The following TSPAN19 variants were observed in gnomAD, a reference collection of about 807,000 sequenced individuals.
The protein encoded by TSPAN19 is tetraspanin-19.
A neutral mutation model predicts 35.1 loss-of-function variants in TSPAN19; 44 were observed. The observed-to-expected ratio is 1.25, with a 90% confidence interval of 0.98 to 1.61. The LOEUF is 1.61. TSPAN19 is among the 40% of genes most tolerant of loss of function. The pLI, the probability that TSPAN19 is intolerant of heterozygous loss-of-function variation, is 0.00. For missense variants in TSPAN19, 290 were observed against 280.0 expected (o/e 1.04, Z -0.26); for synonymous variants, 79 against 92.0 (o/e 0.86, Z 0.81).
intron 1 of TSPAN19, 81 bp from the exon 2 acceptor site, chr12:85,030,054 C>T: frequency 1.8e-6 from 2 of 1,092,602 alleles, no homozygotes; most frequent in Non-Finnish European, 2.5e-6. Flanking sequence ...TTTATTTGCA[C>T]ATTTTTCTTC....
intron 5 of TSPAN19, among the ~76,000 whole-genome samples, chr12:85,021,031 G>A (rs1020320511): frequency 3.3e-5 from 5 of 151,926 alleles, no homozygotes; most frequent in Non-Finnish European, 5.9e-5. Context: ...AAAAATCTAG[G>A]TAATGCAAAG....
At chr12:85,022,527 A>G (rs562512352) in intron 5 of TSPAN19, among the ~76,000 whole-genome samples, 1 of 152,286 alleles carries the variant, frequency 6.6e-6, no homozygotes, top group Non-Finnish European at 1.5e-5. Flanking sequence ...TTGTCAGTTA[A>G]TGACAACTCT....
intron 7 of TSPAN19, chr12:85,016,339 T>C (rs1876798674): frequency 1.2e-5 from 2 of 161,224 alleles, no homozygotes; most frequent in Non-Finnish European, 2.7e-5. Context: ...AAACCCTAAA[T>C]ATATTACATG....
At chr12:85,029,182 A>G (rs1474852038) in intron 3 of TSPAN19, among the ~76,000 whole-genome samples, 1 of 152,202 alleles carries the variant, frequency 6.6e-6, no homozygotes, top group East Asian at 1.9e-4. Flanking sequence ...CTCAGCTCTT[A>G]GGGCAATGAC....
At chr12:85,023,235 T>C in intron 5 of TSPAN19, 91 bp downstream of exon 5, 1 of 1,095,542 alleles carries the variant, frequency 9.1e-7, no homozygotes, top group Non-Finnish European at 1.3e-6. Context: ...TGGCTTTTAA[T>C]ATAGGATCAA....
At position 85,019,725 on chromosome 12, in the gene TSPAN19, T is replaced by C. The variant is rs1877017998; in HGVS notation, c.351A>G (p.Leu117=). 1.3e-6 allele frequency: 2 copies of C among 1,598,946 alleles called. No homozygotes were observed. The highest frequency in any genetic ancestry group is 2.7e-5 in the African/African-American group (2 of 74,142). The change falls in exon 6 of 9, where the codon CTA becomes CTG. Residue 117 remains leucine (L), a synonymous_variant. Transcript: ENST00000532498. ...IITKKEEVQQ[L]WHDKIDFVIS... ...TGACAAAATCAATTTTGTCATGCCATAGTTGCTGAACCTGTAGAAAATTGT... is the reference window on the plus strand; with the variant it reads ...TGACAAAATCAATTTTGTCATGCCACAGTTGCTGAACCTGTAGAAAATTGT...
At position 85,014,484 on chromosome 12, in the gene TSPAN19, A is replaced by G. The variant is rs753969899; in HGVS notation, c.*3T>C. 1.3e-6 allele frequency: 2 copies of G among 1,589,030 alleles called. No homozygotes were observed. The highest frequency in any genetic ancestry group is 1.7e-6 in the Non-Finnish European group (2 of 1,165,430). On this transcript the variant is annotated 3_prime_UTR_variant, in exon 9 of 9. Transcript: ENST00000532498. The stretch of plus-strand genomic sequence containing the variant: ...TTCTTCTGAACAAATTGAAATCCAA[A>G]GGTCACATTTCTGCATGGATTATAT...
chr12:85,017,395 A>T, intron 7 of TSPAN19, 61 bp downstream of exon 7: 3 of 1,460,454 alleles, frequency 2.1e-6, no homozygotes, highest in Non-Finnish European at 2.8e-6. Context: ...TTCTAAATTG[A>T]CTTGCAAAAT....
chr12:85,023,932 G>A (rs1481153902), intron 4 of TSPAN19, among the ~76,000 whole-genome samples: 1 of 151,228 alleles, frequency 6.6e-6, no homozygotes, highest in Non-Finnish European at 1.5e-5. Flanking sequence ...TTTTTTAAAT[G>A]GCCAATTTAG....
chr12:85,015,629 T>C lies in TSPAN19; in HGVS notation c.678+259A>G, dbSNP rs184408514. On this transcript the variant is annotated intron_variant, in intron 8 of 8. Coordinates refer to ENST00000532498, the MANE Select transcript of TSPAN19 (RefSeq NM_001100917.2). Reference sequence around the variant, plus strand: ...CAATAGATCTATTTATAGATATATATAGAAAGAAAGATAAAAATATACATA... The same window carrying C: ...CAATAGATCTATTTATAGATATATACAGAAAGAAAGATAAAAATATACATA... 2.6e-4 allele frequency: 67 copies of C among 261,072 alleles called. 1 individual carries two copies. In the East Asian group the frequency reaches 3.8e-3, roughly 15 times the overall value. The allele number at this position is 261,072 out of a possible 1,614,324, so 16.2% of individuals were successfully genotyped here. A position where few individuals can be genotyped will look rare whatever the true frequency, so the allele number is the denominator to read the frequency against.
chr12:85,020,613 C>A (rs947102624), intron 5 of TSPAN19, among the ~76,000 whole-genome samples: 1 of 151,884 alleles, frequency 6.6e-6, no homozygotes, highest in African/African-American at 2.4e-5. Flanking sequence ...TGAGGCAGGT[C>A]ATAATAGAAT....
intron 7 of TSPAN19, 109 bp downstream of exon 7, chr12:85,017,347 G>T: frequency 9.9e-7 from 1 of 1,008,336 alleles, no homozygotes; most frequent in Non-Finnish European, 1.5e-6. Flanking sequence ...TGTAGCCACC[G>T]TCAACAACAT....
intron 5 of TSPAN19, among the ~76,000 whole-genome samples, chr12:85,022,739 G>A (rs1565766824): frequency 6.6e-6 from 1 of 152,040 alleles, no homozygotes; most frequent in Non-Finnish European, 1.5e-5. Context: ...ATACTGAAAT[G>A]TCCTAAAGGA....
intron 1 of TSPAN19, among the ~76,000 whole-genome samples, chr12:85,033,289 A>G (rs1186340689): frequency 2.0e-5 from 3 of 152,110 alleles, no homozygotes; most frequent in Non-Finnish European, 4.4e-5. Context: ...AAGAGATGAA[A>G]GATAAGCTAA....
chr12:85,036,181 G>T (rs1423187205), intron 1 of TSPAN19, 23 bp downstream of exon 1: 1 of 152,164 alleles, frequency 6.6e-6, no homozygotes, highest in Non-Finnish European at 1.5e-5. Context: ...ATTTTCCAAA[G>T]TTACTTAAAT....
intron 8 of TSPAN19, 142 bp downstream of exon 8, chr12:85,015,746 A>T (rs1045076467): frequency 1.8e-6 from 1 of 570,398 alleles, no homozygotes; most frequent in African/African-American, 2.0e-5. Flanking sequence ...TCACCTGTAC[A>T]ACTCTTGGAT....
chr12:85,020,679 C>T (rs1877072896), intron 5 of TSPAN19, among the ~76,000 whole-genome samples: 5 of 152,026 alleles, frequency 3.3e-5, no homozygotes. Flanking sequence ...CAGAGGGGTC[C>T]TGTCCTATAT....
chr12:85,028,136 G>T, intron 3 of TSPAN19, 113 bp from the exon 4 acceptor site: 1 of 825,960 alleles, frequency 1.2e-6, no homozygotes, highest in Non-Finnish European at 1.8e-6. Context: ...CTGAGCAGCT[G>T]TTGCCAAACC....
chr12:85,020,590 T>C (rs117090295), intron 5 of TSPAN19, among the ~76,000 whole-genome samples: 3,629 of 152,134 alleles, frequency 0.024, 61 homozygotes, highest in Non-Finnish European at 0.039. Flanking sequence ...GACCTTCTCC[T>C]GCCTTTCTCC....
Sources: allele counts gnomAD v4.1 joint callset (sites outside exome capture counted in the v4.1 genomes callset), GRCh38; gene constraint gnomAD v4.1.1; transcripts MANE v1.5; gene names NCBI Gene and HGNC (gene_info 2026-07-23, HGNC 2026-07-21).